PGK1: variants seen among roughly 807,000 people sequenced by gnomAD.
PGK1 encodes PRP 2.
PGK1 carries 3 observed loss-of-function variants against 26.9 expected under a neutral mutation model. The ratio of observed to expected loss-of-function variants is 0.11; its 90% CI spans 0.05 to 0.29. The LOEUF (loss-of-function observed/expected upper bound fraction) is 0.29, where lower values mean the gene tolerates loss of function less well. PGK1 is among the 10% of genes least tolerant of loss of function. The pLI is 1.00. For missense variants in PGK1, 270 were observed against 314.7 expected (o/e 0.86, Z 1.07); for synonymous variants, 125 against 115.3 (o/e 1.08, Z -0.54).
rs781957332 is a variant in PGK1, at chrX:78,123,103, T to C, written c.757-92T>C. On this transcript the variant is annotated intron_variant, in intron 7 of 10. Transcript: ENST00000373316. ...CTTTCGTCTTTGCATTGTTCCTTTA[T>C]ATTGTATTGTGTCTGGTTCCTGTCT... 4 of 769,161 alleles carry C rather than the reference T, an allele frequency of 5.2e-6. No homozygotes were observed. The Admixed American group carries it at 6.9e-5, about 13-fold the overall frequency. 63.4% of individuals were successfully genotyped at this position (769,161 alleles called of 1,213,427 possible).
intron 2 of PGK1, among the ~76,000 whole-genome samples, chrX:78,113,107 C>G (rs2078308980): frequency 9.0e-6 from 1 of 111,373 alleles, no homozygotes; most frequent in Non-Finnish European, 1.9e-5. Context: ...CAAGACCAGC[C>G]TGGACAACAT....
intron 6 of PGK1, among the ~76,000 whole-genome samples, chrX:78,122,133 A>G (rs1299004806): frequency 1.8e-5 from 2 of 111,460 alleles, no homozygotes; most frequent in Admixed American, 9.6e-5. Context: ...GCTTGAGCCT[A>G]GGAGTTCCAG....
At position 78,113,860 on chromosome X, in the gene PGK1, T is replaced by C. The variant is rs781934451; in HGVS notation, c.233T>C (p.Leu78Ser). ...GTGCCCATGCCTGACAAGTACTCCT[T>C]AGAGCCAGTTGCTGTAGAACTCAAA... is the stretch of plus-strand genomic sequence containing the variant. The part of the protein sequence containing the change: ...DGVPMPDKYS[L>S]EPVAVELKSL... The change falls in exon 3 of 11, where the codon TTA becomes TCA. Residue 78 changes from leucine (L) to serine (S), a missense_variant. Transcript: ENST00000373316. 1.2e-5 allele frequency: 14 copies of C among 1,209,723 alleles called. No homozygotes were observed. The highest frequency in any genetic ancestry group is 1.6e-5 in the Non-Finnish European group (14 of 894,912).
chrX:78,117,600 A>T (rs1419186738), intron 5 of PGK1, among the ~76,000 whole-genome samples, 185 bp downstream of exon 5: 5 of 112,687 alleles, frequency 4.4e-5, no homozygotes, highest in African/African-American at 1.6e-4. Context: ...AAGGTAAAAA[A>T]ATGTTGGTAA....
At chrX:78,121,236 A>C (rs189549869) in intron 6 of PGK1, among the ~76,000 whole-genome samples, 168 of 112,644 alleles carry the variant, frequency 1.5e-3, no homozygotes, top group Non-Finnish European at 2.1e-3. Flanking sequence ...TAAGGATTCA[A>C]ATGAAGTCCA....
intron 8 of PGK1, 52 bp from the exon 9 acceptor site, chrX:78,124,822 T>G (rs1309025909): frequency 1.9e-6 from 2 of 1,080,911 alleles, no homozygotes; most frequent in Non-Finnish European, 2.6e-6. Flanking sequence ...GGAGGTGGTG[T>G]TTAAGTAGCT....
intron 2 of PGK1, among the ~76,000 whole-genome samples, 172 bp from the exon 3 acceptor site, chrX:78,113,572 G>A (rs184166913): frequency 8.9e-6 from 1 of 112,085 alleles, no homozygotes; most frequent in East Asian, 2.8e-4. Context: ...CCTAGGTGGA[G>A]GGTTGGCATT....
At position 78,118,125 on chromosome X, in the gene PGK1, A is replaced by C. The variant is rs1557247647; in HGVS notation, c.596A>C (p.Lys199Thr). ...AAGAAGGAGCTGAACTACTTTGCAAAGGCCTTGGAGAGCCCAGAGCGACCC... is the reference window on the plus strand; with the variant it reads ...AAGAAGGAGCTGAACTACTTTGCAACGGCCTTGGAGAGCCCAGAGCGACCC... ...LMKKELNYFA[K>T]ALESPERPFL... Residue 199 changes from lysine to threonine, a missense_variant, in exon 6 of 11, where the codon AAG (lysine) becomes ACG (threonine). Physicochemically the swap from Lys to Thr is moderately conservative, Grantham distance 78. Coordinates refer to ENST00000373316, the MANE Select transcript of PGK1 (RefSeq NM_000291.4). 1 of 1,209,567 alleles carries C rather than the reference A, an allele frequency of 8.3e-7. No homozygotes were observed. The highest frequency in any genetic ancestry group is 1.1e-6 in the Non-Finnish European group (1 of 893,959).
intron 1 of PGK1, among the ~76,000 whole-genome samples, chrX:78,107,629 A>G (rs1557246340): frequency 8.9e-6 from 1 of 112,200 alleles, no homozygotes; most frequent in Non-Finnish European, 1.9e-5. Flanking sequence ...AGTTTGTTTA[A>G]CTATCATTGA....
chrX:78,117,491 T>C, intron 5 of PGK1, 76 bp downstream of exon 5: 1 of 659,676 alleles, frequency 1.5e-6, no homozygotes, highest in East Asian at 3.3e-5. Flanking sequence ...TCTGGGTTGT[T>C]TTTGGAGAGT....
chrX:78,113,386 G>A (rs2078310531), intron 2 of PGK1, among the ~76,000 whole-genome samples: 1 of 112,120 alleles, frequency 8.9e-6, no homozygotes, highest in Non-Finnish European at 1.9e-5. Flanking sequence ...TGTATAGACG[G>A]TCTAGGAAGA....
intron 10 of PGK1, 121 bp from the exon 11 acceptor site, chrX:78,125,669 G>A (rs1251781309): frequency 1.4e-6 from 1 of 698,404 alleles, no homozygotes; most frequent in Non-Finnish European, 2.3e-6. Context: ...AAGTTGGCCA[G>A]CTCCTGGCCA....
chrX:78,122,421 G>GTGTA (rs2078360166), intron 6 of PGK1, among the ~76,000 whole-genome samples: 1 of 104,700 alleles, frequency 9.6e-6, no homozygotes, highest in African/African-American at 3.6e-5. Flanking sequence ...GTGTGTGTGT[G>GTGTA]TGTGTGTGTG....
intron 1 of PGK1, among the ~76,000 whole-genome samples, chrX:78,107,984 G>A (rs782291792): frequency 9.1e-6 from 1 of 109,976 alleles, no homozygotes; most frequent in Admixed American, 9.7e-5. Context: ...AAAGAAAATT[G>A]TGCATATTTT....
At chrX:78,105,280 C>G (rs1163540354) in intron 1 of PGK1, among the ~76,000 whole-genome samples, 3 of 111,862 alleles carry the variant, frequency 2.7e-5, no homozygotes, top group African/African-American at 9.8e-5. Context: ...TTACATTTAT[C>G]CTTTTTGTCA....
Position 78,105,982 on chromosome X carries a change from TC to T in PGK1, c.65+1579del. Among the ~76,000 whole-genome samples the T allele has an allele frequency of 2.7e-5, 3 of 112,216 alleles. 1 individual carries two copies. The Middle Eastern group carries it at 0.014, about 515-fold the overall frequency. On this transcript the variant is annotated intron_variant, in intron 1 of 10. Coordinates refer to ENST00000373316, the MANE Select transcript of PGK1 (RefSeq NM_000291.4). The stretch of plus-strand genomic sequence containing the variant: ...CTCCCCTGTGTTCGACGCTGATTCT[TC>T]CAGATGCATGGACCAACTAACAGAC...
intron 6 of PGK1, among the ~76,000 whole-genome samples, chrX:78,122,371 C>T (rs1029760574): frequency 4.6e-5 from 5 of 108,240 alleles, no homozygotes; most frequent in African/African-American, 1.7e-4. Context: ...AATTAGCAAT[C>T]GTGCTTAGAT....
intron 2 of PGK1, among the ~76,000 whole-genome samples, chrX:78,112,354 A>G (rs1010026038): frequency 6.2e-5 from 7 of 112,779 alleles, no homozygotes; most frequent in African/African-American, 9.7e-5. Context: ...AGCATTCAAT[A>G]AATATTTGAT....
chrX:78,106,602 G>A, intron 1 of PGK1: 1 of 753,022 alleles, frequency 1.3e-6, no homozygotes, highest in Non-Finnish European at 1.6e-6. Context: ...TCCTGCAGAA[G>A]TGAACTATGG....
Sources: gnomAD v4.1 joint callset for allele counts (sites outside exome capture counted in the v4.1 genomes callset) on GRCh38, gnomAD v4.1.1 for gene constraint, MANE v1.5 for transcripts, NCBI Gene and HGNC (gene_info 2026-07-23, HGNC 2026-07-21) for gene names.